The following HSBP1 variants were observed in gnomAD, a reference collection of about 807,000 sequenced individuals.
The protein encoded by HSBP1 is heat shock factor-binding protein 1.
HSBP1 carries 5 observed loss-of-function variants against 9.6 expected under a neutral mutation model. The ratio of observed to expected loss-of-function variants is 0.52; its 90% CI spans 0.27 to 1.09. HSBP1 has a LOEUF of 1.09. Among genes scored for constraint, HSBP1 ranks in the 50% least tolerant of loss-of-function variants. The probability of loss-of-function intolerance (pLI) is 0.11; values close to 1 mark genes in which losing one functional copy is unlikely to be tolerated. For missense variants in HSBP1, 121 were observed against 96.3 expected, an observed-to-expected ratio of 1.26 and a Z score of -1.07; for synonymous variants, 42 against 33.3, an observed-to-expected ratio of 1.26 and a Z score of -0.90.
intron 3 of HSBP1, among the ~76,000 whole-genome samples, chr16:83,810,142 T>C (rs1180881731): frequency 2.6e-5 from 4 of 151,964 alleles, no homozygotes; most frequent in Admixed American, 6.6e-5. Context: ...GTCACCCACA[T>C]TACCACCTTC....
rs570522436 is a variant in HSBP1, at chr16:83,813,024, G to C, written c.*1606G>C. 6.6e-6 allele frequency: 1 copy of C among 152,302 alleles called. No individual in the cohort carries two copies. The highest frequency in any genetic ancestry group is 2.1e-4 in the South Asian group (1 of 4,830). The allele number at this position is 152,302 out of a possible 1,614,324, so 9.4% of individuals were successfully genotyped here. ...CTTCCTTTGTGTCAAAAATCTGTTTGGTTTTCAGATGGAAATGCAGAAATC... is the reference window on the plus strand; with the variant it reads ...CTTCCTTTGTGTCAAAAATCTGTTTCGTTTTCAGATGGAAATGCAGAAATC... On this transcript the variant is annotated 3_prime_UTR_variant, in exon 4 of 4. Transcript: ENST00000433866.
rs1317171442 is a variant in HSBP1 at position 83,818,678 on chromosome 16, C to T, written c.*7260C>T. 1 of 152,130 alleles carries T rather than the reference C, an allele frequency of 6.6e-6. No individual in the cohort carries two copies. Among genetic ancestry groups the T allele is most frequent in the Non-Finnish European group, 1.5e-5 (1 of 68,042 alleles). 9.4% of individuals were successfully genotyped at this position (152,130 alleles called of 1,614,324 possible). On this transcript the variant is annotated 3_prime_UTR_variant, in exon 4 of 4. Transcript: ENST00000433866. ...ATGTTCTCTTCTGGACTCTTCGTAA[C>T]CCCTTCAGCAGACGACCCTGTATCT...
chr16:83,814,273 T>G lies in HSBP1; in HGVS notation c.*2855T>G, dbSNP rs1429556973. ...TTGACTGTAAACCGCTGTACTGTGCTAAGCCTTTTGTTTGCACTGTTTGGC... is the reference window on the plus strand; with the variant it reads ...TTGACTGTAAACCGCTGTACTGTGCGAAGCCTTTTGTTTGCACTGTTTGGC... On this transcript the variant is annotated 3_prime_UTR_variant, in exon 4 of 4. Coordinates refer to ENST00000433866, the MANE Select transcript of HSBP1 (RefSeq NM_001537.4). 6.6e-6 allele frequency: 1 copy of G among 152,282 alleles called. No homozygotes were observed. Among genetic ancestry groups the G allele is most frequent in the African/African-American group, 2.4e-5 (1 of 41,472 alleles). 9.4% of individuals were successfully genotyped at this position (152,282 alleles called of 1,614,324 possible). A position where few individuals can be genotyped will look rare whatever the true frequency, so the allele number is the denominator to read the frequency against.
intron 1 of HSBP1, 129 bp downstream of exon 1, chr16:83,808,250 C>A: frequency 1.2e-6 from 1 of 814,734 alleles, no homozygotes; most frequent in Middle Eastern, 3.0e-4. Context: ...CTGGAAGCGT[C>A]TCTGGCCGAG....
rs1165334823 is a variant in HSBP1 at position 83,811,833 on chromosome 16, T to C, written c.*415T>C. On this transcript the variant is annotated 3_prime_UTR_variant, in exon 4 of 4. Coordinates refer to ENST00000433866, the MANE Select transcript of HSBP1 (RefSeq NM_001537.4). The stretch of plus-strand genomic sequence containing the variant: ...TTGGTGAAGTAAGATGTTTGTAGAC[T>C]TTAGAGTTCTTTAATTCTTGGCACA... The C allele has an allele frequency of 6.6e-6, 1 of 152,248 alleles. No individual in the cohort carries two copies. The highest frequency in any genetic ancestry group is 1.5e-5 in the Non-Finnish European group (1 of 68,040). 9.4% of individuals were successfully genotyped at this position (152,248 alleles called of 1,614,324 possible).
At chr16:83,808,829 T>G in intron 2 of HSBP1, 83 bp downstream of exon 2, 1 of 966,030 alleles carries the variant, frequency 1.0e-6, no homozygotes, top group East Asian at 2.6e-5. Context: ...TGAGTAGTTT[T>G]CAGGCTAGCT....
intron 3 of HSBP1, among the ~76,000 whole-genome samples, chr16:83,810,191 G>C (rs1296863996): frequency 6.6e-6 from 1 of 151,072 alleles, no homozygotes; most frequent in Non-Finnish European, 1.5e-5. Context: ...TTGGTAACTT[G>C]ACATAGGTGA....
In HSBP1 at chr16:83,811,240, A is replaced by G. The variant is rs186719004; in HGVS notation, c.*3-181A>G. 1.4e-3 allele frequency among the ~76,000 whole-genome samples: 219 copies of G among 152,376 alleles called. 1 individual carries two copies. Among genetic ancestry groups the G allele is most frequent in the Admixed American group, 3.1e-3 (48 of 15,308 alleles). On this transcript the variant is annotated intron_variant, in intron 3 of 3. Transcript: ENST00000433866. ...TCAAAGAAAAGAGTGGGAGTAGGAA[A>G]CTGACTCTGAAACTTTTAAAGATAT...
chr16:83,819,514 G>C lies in HSBP1; in HGVS notation c.*8096G>C, dbSNP rs33121. ...CGAGGAACTGAGCGTGAAGAGCCCT[G>C]ACGCCATGAAGACTTGAATCACTTT... On this transcript the variant is annotated 3_prime_UTR_variant, in exon 4 of 4. Coordinates refer to ENST00000433866, the MANE Select transcript of HSBP1 (RefSeq NM_001537.4). The C allele has an allele frequency of 0.69, 104,706 of 151,974 alleles. 36,504 individuals carry two copies. Among genetic ancestry groups the C allele is most frequent in the South Asian group, 0.76 (3,654 of 4,814 alleles). The allele number at this position is 151,974 out of a possible 1,614,324, so 9.4% of individuals were successfully genotyped here.
chr16:83,811,000 G>A (rs1417277227), intron 3 of HSBP1, among the ~76,000 whole-genome samples: 1 of 152,186 alleles, frequency 6.6e-6, no homozygotes, highest in Non-Finnish European at 1.5e-5. Context: ...AGTAGGTGGG[G>A]TTCATTCACT....
In HSBP1 at chr16:83,819,418, C is replaced by G. The variant is rs1317267530; in HGVS notation, c.*8000C>G. ...GAAAAGGAATTGATTCTTAATTACC[C>G]AGAACGTCCACGCTCTAGGACCTAG... On this transcript the variant is annotated 3_prime_UTR_variant, in exon 4 of 4. Coordinates refer to ENST00000433866, the MANE Select transcript of HSBP1 (RefSeq NM_001537.4). 1 of 152,230 alleles carries G rather than the reference C, an allele frequency of 6.6e-6. No homozygotes were observed. Among genetic ancestry groups the G allele is most frequent in the Non-Finnish European group, 1.5e-5 (1 of 68,028 alleles). 9.4% of individuals were successfully genotyped at this position (152,230 alleles called of 1,614,324 possible).
rs577559390 is a variant in HSBP1 at position 83,811,514 on chromosome 16, T to G, written c.*96T>G. On this transcript the variant is annotated 3_prime_UTR_variant, in exon 4 of 4. Coordinates refer to ENST00000433866, the MANE Select transcript of HSBP1 (RefSeq NM_001537.4). Reference sequence around the variant, plus strand: ...GCTAACTACTATGTGTAGACAGGTTTTATATTATAAAGTATGCATTCTTAT... The same window carrying G: ...GCTAACTACTATGTGTAGACAGGTTGTATATTATAAAGTATGCATTCTTAT... 6.6e-6 allele frequency: 1 copy of G among 152,370 alleles called. No homozygotes were observed. The highest frequency in any genetic ancestry group is 1.5e-5 in the Non-Finnish European group (1 of 68,024). 9.4% of individuals were successfully genotyped at this position (152,370 alleles called of 1,614,324 possible).
intron 1 of HSBP1, 40 bp from the exon 2 acceptor site, chr16:83,808,640 A>T: frequency 2.6e-6 from 4 of 1,543,664 alleles, no homozygotes; most frequent in Non-Finnish European, 3.6e-6. Flanking sequence ...TTGTCTCAGG[A>T]TCGATGTGGA....
Position 83,816,528 on chromosome 16 carries a change from T to C in HSBP1, c.*5110T>C, listed in dbSNP as rs980076977. The C allele has an allele frequency of 6.6e-6, 1 of 152,228 alleles. No individual in the cohort carries two copies. Among genetic ancestry groups the C allele is most frequent in the Non-Finnish European group, 1.5e-5 (1 of 68,042 alleles). The allele number at this position is 152,228 out of a possible 1,614,324, so 9.4% of individuals were successfully genotyped here. On this transcript the variant is annotated 3_prime_UTR_variant, in exon 4 of 4. Transcript: ENST00000433866. ...TGTCTCCTAAGAGTGAAGAAAATGTTTCTTTGAAGGTGTTTCCACCCCACT... is the reference window on the plus strand; with the variant it reads ...TGTCTCCTAAGAGTGAAGAAAATGTCTCTTTGAAGGTGTTTCCACCCCACT...
chr16:83,808,663 G>C lies in HSBP1; in HGVS notation c.46-17G>C, dbSNP rs770995968. 2 of 1,605,488 alleles carry C rather than the reference G, an allele frequency of 1.2e-6. No individual in the cohort carries two copies. Among genetic ancestry groups the C allele is most frequent in the South Asian group, 1.1e-5 (1 of 90,182 alleles). ...GGATCGATGTGGACCGTGTTTGTTT[G>C]TTTCGGTTTTTCTTAGGTGCAGACA... On this transcript the variant is annotated splice_polypyrimidine_tract_variant and intron_variant, in intron 1 of 3. Coordinates refer to ENST00000433866, the MANE Select transcript of HSBP1 (RefSeq NM_001537.4).
Position 83,809,416 on chromosome 16 carries a change from A to G in HSBP1, c.224A>G (p.Lys75Arg), listed in dbSNP as rs759747756. Reference protein sequence around the residue: ...ESENKIPATQKS With the variant: ...ESENKIPATQRS Reference sequence around the variant, plus strand: ...GAAAACAAGATACCTGCCACGCAAAAGAGTTGAAGGTGAGGAAGGGGGCAA... The same window carrying G: ...GAAAACAAGATACCTGCCACGCAAAGGAGTTGAAGGTGAGGAAGGGGGCAA... Residue 75 changes from lysine (K) to arginine (R), a missense_variant, in exon 3 of 4, where the codon AAG (lysine) becomes AGG (arginine). Lys to Arg is a conservative substitution (Grantham distance 26). Coordinates refer to ENST00000433866, the MANE Select transcript of HSBP1 (RefSeq NM_001537.4). 20 of 1,572,396 alleles carry G rather than the reference A, an allele frequency of 1.3e-5. No individual in the cohort carries two copies. Among genetic ancestry groups the G allele is most frequent in the Non-Finnish European group, 1.7e-5 (19 of 1,151,468 alleles).
In HSBP1 at chr16:83,812,558, G is replaced by A. The variant is rs1164056263; in HGVS notation, c.*1140G>A. ...AAAAACTTGAAAATTTGAAAAACAT[G>A]ATTTTTTTAAGTTTCTCATCTCACC... On this transcript the variant is annotated 3_prime_UTR_variant, in exon 4 of 4. Coordinates refer to ENST00000433866, the MANE Select transcript of HSBP1 (RefSeq NM_001537.4). 3 of 152,164 alleles carry A rather than the reference G, an allele frequency of 2.0e-5. No homozygotes were observed. Among genetic ancestry groups the A allele is most frequent in the Non-Finnish European group, 4.4e-5 (3 of 68,024 alleles). 9.4% of individuals were successfully genotyped at this position (152,164 alleles called of 1,614,324 possible).
In HSBP1 at chr16:83,817,367, T is replaced by G. The variant is rs1012193072; in HGVS notation, c.*5949T>G. The stretch of plus-strand genomic sequence containing the variant: ...ACTGTTTGAATCAAAGGATTTCTGA[T>G]TCCCTGATGGGTGATGACTCAGTAA... On this transcript the variant is annotated 3_prime_UTR_variant, in exon 4 of 4. Transcript: ENST00000433866. 2.0e-5 allele frequency: 3 copies of G among 152,258 alleles called. No homozygotes were observed. Among genetic ancestry groups the G allele is most frequent in the African/African-American group, 7.2e-5 (3 of 41,476 alleles). The allele number at this position is 152,258 out of a possible 1,614,324, so 9.4% of individuals were successfully genotyped here. A position where few individuals can be genotyped will look rare whatever the true frequency, so the allele number is the denominator to read the frequency against.
intron 1 of HSBP1, chr16:83,808,417 C>T: frequency 3.5e-6 from 2 of 569,120 alleles, no homozygotes; most frequent in Non-Finnish European, 3.1e-6. Flanking sequence ...CCTTCAACTC[C>T]TCACACACCC....
Sources: allele counts gnomAD v4.1 joint callset (sites outside exome capture counted in the v4.1 genomes callset), GRCh38; gene constraint gnomAD v4.1.1; transcripts MANE v1.5; gene names NCBI Gene and HGNC (gene_info 2026-07-23, HGNC 2026-07-21).